NEB: variants seen among roughly 807,000 people sequenced by gnomAD.
NEB encodes nebulin.
NEB carries 512 observed loss-of-function variants against 952.2 expected under a neutral mutation model. The observed-to-expected ratio is 0.54, with a 90% CI of 0.50 to 0.58. NEB has a LOEUF of 0.58. Ranked by LOEUF, NEB falls within the 20% of genes least tolerant of loss-of-function variation. The pLI, the probability that NEB is intolerant of heterozygous loss-of-function variation, is 0.00. For missense variants in NEB, 8,428 were observed against 9,231.1 expected (o/e 0.91, Z 3.56); for synonymous variants, 2,900 against 3,149.8 (o/e 0.92, Z 2.66).
At chr2:151,684,435 A>T (rs1271965895) in intron 28 of NEB, among the ~76,000 whole-genome samples, 1 of 152,188 alleles carries the variant, frequency 6.6e-6, no homozygotes, top group African/African-American at 2.4e-5. Context: ...ATAAATACTG[A>T]ATGTTTATTG....
intron 137 of NEB, 27 bp from the exon 138 acceptor site, chr2:151,540,475 A>T (rs1284783270): frequency 6.6e-7 from 1 of 1,514,858 alleles, no homozygotes; most frequent in Non-Finnish European, 9.0e-7. Flanking sequence ...GAAGAGAGAG[A>T]CAAGCTTAAG....
At chr2:151,709,066 C>T (rs997349290) in intron 12 of NEB, among the ~76,000 whole-genome samples, 2 of 152,200 alleles carry the variant, frequency 1.3e-5, no homozygotes, top group Non-Finnish European at 2.9e-5. Flanking sequence ...TAGTGACCAT[C>T]GTGCTTTAGA....
At position 151,494,194 on chromosome 2, in the gene NEB, C is replaced by T. The variant is rs1158236657; in HGVS notation, c.24546G>A (p.Gln8182=). Residue 8182 remains glutamine (Q), a synonymous_variant, in exon 174 of 182, where the codon CAG becomes CAA. Transcript: ENST00000397345. ...TGTTTTCTTGATTGCGTTTGACTCT[C>T]TGCATCTCAGGAGTGACAGGGGTTG... The part of the protein sequence containing the change: ...ATATPVTPEM[Q]RVKRNQENIS... The T allele has an allele frequency of 1.2e-6, 2 of 1,608,380 alleles. No homozygotes were observed. Among genetic ancestry groups the T allele is most frequent in the Admixed American group, 1.7e-5 (1 of 59,508 alleles).
At chr2:151,570,695 T>A (rs1258958503) in intron 107 of NEB, 94 bp from the exon 108 acceptor site, 1 of 1,141,072 alleles carries the variant, frequency 8.8e-7, no homozygotes, top group Non-Finnish European at 1.3e-6. Flanking sequence ...GGCACAGTTT[T>A]GAAGCCCAAG....
chr2:151,639,315 T>C lies in NEB; in HGVS notation c.8959A>G (p.Met2987Val), dbSNP rs1002466801. The C allele has an allele frequency of 1.3e-6, 2 of 1,544,242 alleles. No individual in the cohort carries two copies. The highest frequency in any genetic ancestry group is 2.7e-5 in the African/African-American group (2 of 73,142). Residue 2987 changes from methionine to valine, a missense_variant, in exon 63 of 182, where the codon ATG becomes GTG. By Grantham distance (21) the Met-to-Val change is conservative (BLOSUM62 1). Transcript: ENST00000397345. ...TTGATTTTGTTCATTCTTGCCAACATAATTTCTGGTGTGTCTGGCATTATG... is the reference window on the plus strand; with the variant it reads ...TTGATTTTGTTCATTCTTGCCAACACAATTTCTGGTGTGTCTGGCATTATG... Reference protein sequence around the residue: ...IHIMPDTPEIMLARMNKINYS... With the variant: ...IHIMPDTPEIVLARMNKINYS...
At position 151,562,690 on chromosome 2, in the gene NEB, T is replaced by C. The variant is rs753443619; in HGVS notation, c.18812A>G (p.His6271Arg). ...QYILSDLEYR[H>R]YFHQWTSLLE... Reference sequence around the variant, plus strand: ...AAGAGACGTCCACTGGTGGAAATAGTGTCGATACTCCAGGTCACTGAGGAT... The same window carrying C: ...AAGAGACGTCCACTGGTGGAAATAGCGTCGATACTCCAGGTCACTGAGGAT... Residue 6271 changes from histidine to arginine, a missense_variant, in exon 120 of 182, where the codon CAC becomes CGC. His to Arg is a conservative substitution (Grantham distance 29). Transcript: ENST00000397345. 2.5e-6 allele frequency: 4 copies of C among 1,606,156 alleles called. No individual in the cohort carries two copies. The highest frequency in any genetic ancestry group is 1.1e-5 in the South Asian group (1 of 89,904).
chr2:151,546,009 A>AAC lies in NEB; in HGVS notation c.20467-12_20467-11insGT. 1 of 1,442,106 alleles carries AAC rather than the reference A, an allele frequency of 6.9e-7. No individual in the cohort carries two copies. The highest frequency in any genetic ancestry group is 9.5e-7 in the Non-Finnish European group (1 of 1,048,464). The allele number at this position is 1,442,106 out of a possible 1,614,324, so 89.3% of individuals were successfully genotyped here. A position where few individuals can be genotyped will look rare whatever the true frequency, so the allele number is the denominator to read the frequency against. ...GTATAGGTAATTAGACTTAAAAAAA[A>AAC]AAAAAAAAACAGAAATACAAGTTGA... is the stretch of plus-strand genomic sequence containing the variant. On this transcript the variant is annotated splice_polypyrimidine_tract_variant and intron_variant, in intron 134 of 181. Transcript: ENST00000397345.
rs761341951 is a variant in NEB at position 151,663,614 on chromosome 2, G to A, written c.5697C>T (p.Thr1899=). The change falls in exon 45 of 182, where the codon ACC becomes ACT. Residue 1899 remains threonine, a synonymous_variant. Transcript: ENST00000397345. ...TNANYRNVIH[T]YNMLPDAMSF... ...TCATGGCATCAGGAAGCATGTTGTAGGTATGGATCACGTTCCTGTAGTTGG... is the reference window on the plus strand; with the variant it reads ...TCATGGCATCAGGAAGCATGTTGTAAGTATGGATCACGTTCCTGTAGTTGG... The A allele has an allele frequency of 2.1e-5, 34 of 1,613,548 alleles. No individual in the cohort carries two copies. The South Asian group carries it at 3.4e-4, about 16-fold the overall frequency.
Position 151,531,033 on chromosome 2 carries a change from C to T in NEB, c.21591G>A (p.Met7197Ile). 1.2e-6 allele frequency: 2 copies of T among 1,613,638 alleles called. No homozygotes were observed. The highest frequency in any genetic ancestry group is 1.7e-6 in the Non-Finnish European group (2 of 1,179,662). ...RGYTTIHDTP[M>I]LLHVRKVKDE... ...CTTTAACCTTGCGGACATGCAGCAA[C>T]ATGGGTGTGTCGTGGATTGTGGTGT... The change falls in exon 145 of 182, where the codon ATG (methionine) becomes ATA (isoleucine). Residue 7197 changes from methionine (M) to isoleucine (I), a missense_variant. Physicochemically the swap from Met to Ile is conservative, Grantham distance 10. Around this residue, in one of 11 missense-constraint regions of NEB, gnomAD observed 3,374 missense variants for 3,651.5 expected, o/e 0.92. Coordinates refer to ENST00000397345, the MANE Select transcript of NEB (RefSeq NM_001164508.2).
At position 151,663,813 on chromosome 2, in the gene NEB, C is replaced by G. The variant is rs34778227; in HGVS notation, c.5498G>C (p.Gly1833Ala). 2.2e-5 allele frequency: 35 copies of G among 1,613,634 alleles called. No individual in the cohort carries two copies. The highest frequency in any genetic ancestry group is 2.9e-5 in the Non-Finnish European group (34 of 1,179,754). Reference protein sequence around the residue: ...AYEQAKGKHIGFRSLEDDPKL... With the variant: ...AYEQAKGKHIAFRSLEDDPKL... ...GGGGTCATCTTCCAGGCTCCGGAAG[C>G]CAATGTGTTTCCCTTTGGCTTGTTC... The change falls in exon 45 of 182, where the codon GGC becomes GCC. Residue 1833 changes from glycine (G) to alanine (A), a missense_variant. Physicochemically the swap from Gly to Ala is moderately conservative, Grantham distance 60. Coordinates refer to ENST00000397345, the MANE Select transcript of NEB (RefSeq NM_001164508.2).
In NEB at chr2:151,540,760, A is replaced by T; in HGVS notation, c.20724T>A (p.His6908Gln). Residue 6908 changes from histidine (H) to glutamine (Q), a missense_variant, in exon 137 of 182, where the codon CAT becomes CAA. This residue lies in a region of NEB where 3,374 missense variants were observed against 3,651.5 expected (regional missense o/e 0.92). Coordinates refer to ENST00000397345, the MANE Select transcript of NEB (RefSeq NM_001164508.2). ...AGGCTGTGGTCTGGTTTCCAGCGTG[A>T]TGATGGGGTCTCTCTTTGGTGGCAA... is the stretch of plus-strand genomic sequence containing the variant. The part of the protein sequence containing the change: ...VELATKERPH[H>Q]HAGNQTTALK... The T allele has an allele frequency of 1.9e-6, 3 of 1,613,612 alleles. No homozygotes were observed. The highest frequency in any genetic ancestry group is 2.5e-6 in the Non-Finnish European group (3 of 1,179,650).
intron 164 of NEB, 83 bp from the exon 165 acceptor site, chr2:151,505,653 C>A (rs2153174201): frequency 8.6e-7 from 1 of 1,168,046 alleles, no homozygotes; most frequent in South Asian, 1.2e-5. Flanking sequence ...TTTTTTGTAG[C>A]CCCCAAATTA....
intron 46 of NEB, among the ~76,000 whole-genome samples, chr2:151,660,620 T>G (rs895338180): frequency 6.6e-6 from 1 of 152,212 alleles, no homozygotes; most frequent in Non-Finnish European, 1.5e-5. Context: ...ATTGGCAAAC[T>G]TTTTCTGTAT....
At chr2:151,506,326 A>G (rs189874501) in intron 163 of NEB, 68 bp from the exon 164 acceptor site, 4 of 1,172,192 alleles carry the variant, frequency 3.4e-6, no homozygotes, top group Admixed American at 3.9e-5. Context: ...CTGGAGAAAG[A>G]CTAGGACACA....
Position 151,562,202 on chromosome 2 carries a change from C to T in NEB, c.18904G>A (p.Asp6302Asn), listed in dbSNP as rs766403303. Reference protein sequence around the residue: ...QEILSDNVYKDDLNWLKGIGC... With the variant: ...QEILSDNVYKNDLNWLKGIGC... ...ATGCCTTTCAACCAATTCAGGTCATCTTTATACACATTCTGCAAGAAAGAG... is the reference window on the plus strand; with the variant it reads ...ATGCCTTTCAACCAATTCAGGTCATTTTTATACACATTCTGCAAGAAAGAG... The change falls in exon 121 of 182, where the codon GAT becomes AAT. Residue 6302 changes from aspartate to asparagine, a missense_variant. Coordinates refer to ENST00000397345, the MANE Select transcript of NEB (RefSeq NM_001164508.2). 1.2e-6 allele frequency: 2 copies of T among 1,611,196 alleles called. No homozygotes were observed. The highest frequency in any genetic ancestry group is 2.7e-5 in the African/African-American group (2 of 74,842).
At chr2:151,490,827 T>C (rs190561841) in intron 179 of NEB, among the ~76,000 whole-genome samples, 9 of 152,278 alleles carry the variant, frequency 5.9e-5, no homozygotes, top group African/African-American at 2.2e-4. Context: ...AATGAATAAA[T>C]AGTAATATTC....
In NEB at chr2:151,690,768, C is replaced by T. The variant is rs759981137; in HGVS notation, c.2269G>A (p.Val757Ile). The change falls in exon 24 of 182, where the codon GTA becomes ATA. Residue 757 changes from valine (V) to isoleucine (I), a missense_variant. Physicochemically the swap from Val to Ile is conservative, Grantham distance 29 (BLOSUM62 3). Coordinates refer to ENST00000397345, the MANE Select transcript of NEB (RefSeq NM_001164508.2). ...GTGTTGAGCTGGGCTTGCAACAGTA[C>T]AGGAGAATCAGTGACTGCCGTGAAT... Reference protein sequence around the residue: ...TKFTAVTDSPVLLQAQLNTKQ... With the variant: ...TKFTAVTDSPILLQAQLNTKQ... 1 of 1,599,386 alleles carries T rather than the reference C, an allele frequency of 6.3e-7. No individual in the cohort carries two copies. The highest frequency in any genetic ancestry group is 1.1e-5 in the South Asian group (1 of 87,810).
chr2:151,487,383 TTCACATGCATATATTCAAAA>T (rs1192013047), intron 181 of NEB, among the ~76,000 whole-genome samples: 2 of 152,230 alleles, frequency 1.3e-5, no homozygotes, highest in African/African-American at 4.8e-5. Context: ...CATTTTGAAA[TTCACATGCATATATTCAAAA>T]TCACATGCAT....
chr2:151,551,709 C>T (rs200350243), intron 129 of NEB, 29 bp downstream of exon 129: 34 of 1,549,996 alleles, frequency 2.2e-5, no homozygotes, highest in Non-Finnish European at 2.8e-5. Context: ...CGGATTTCTG[C>T]TGGGCACTCT....
Sources: gnomAD v4.1 joint callset for allele counts (sites outside exome capture counted in the v4.1 genomes callset) on GRCh38, gnomAD v4.1.1 for gene constraint, gnomAD v4.1.1 regional missense constraint, MANE v1.5 for transcripts, NCBI Gene and HGNC (gene_info 2026-07-23, HGNC 2026-07-21) for gene names.